UBAC2: variants seen among roughly 807,000 people sequenced by gnomAD.
The protein encoded by UBAC2 is UBA domain containing 2, also known as ubiquitin-associated domain-containing protein 2.
A neutral mutation model predicts 44.0 loss-of-function variants in UBAC2; 26 were observed. That is an observed-to-expected ratio of 0.59 (90% confidence interval 0.43 to 0.82). UBAC2 has a LOEUF of 0.82. Among genes scored for constraint, UBAC2 ranks in the 40% least tolerant of loss-of-function variants. UBAC2 has a pLI of 0.00. For synonymous variants in UBAC2, 155 were observed against 154.3 expected (o/e 1.00, Z -0.04); for missense variants, 329 against 419.4 (o/e 0.78, Z 1.88).
At chr13:99,297,700 C>CA (rs2044196993) in intron 4 of UBAC2, among the ~76,000 whole-genome samples, 1 of 151,090 alleles carries the variant, frequency 6.6e-6, no homozygotes, top group African/African-American at 2.4e-5. Context: ...GGGAAAAAAA[C>CA]AAAGAATGAG....
chr13:99,340,280 T>TTA, intron 6 of UBAC2, 40 bp from the exon 7 acceptor site: 1 of 1,591,336 alleles, frequency 6.3e-7, no homozygotes, highest in South Asian at 1.1e-5. Flanking sequence ...TTTAAAATAA[T>TTA]ACTACATTTA....
chr13:99,275,802 T>C (rs954456324), intron 4 of UBAC2, among the ~76,000 whole-genome samples: 3 of 152,182 alleles, frequency 2.0e-5, no homozygotes, highest in Non-Finnish European at 2.9e-5. Flanking sequence ...TAAAAGCTGA[T>C]TGGAGTCTCG....
intron 4 of UBAC2, among the ~76,000 whole-genome samples, chr13:99,298,216 C>T (rs1265340787): frequency 6.6e-6 from 1 of 152,106 alleles, no homozygotes; most frequent in Non-Finnish European, 1.5e-5. Context: ...AGAACTTGTA[C>T]TGAAGACACA....
At chr13:99,201,760 T>A in intron 1 of UBAC2, among the ~76,000 whole-genome samples, 1 of 152,140 alleles carries the variant, frequency 6.6e-6, no homozygotes, top group Non-Finnish European at 1.5e-5. Flanking sequence ...GACAGAAACA[T>A]CTGACATTTC....
chr13:99,206,916 T>G (rs1485525395), intron 1 of UBAC2, among the ~76,000 whole-genome samples: 1 of 152,266 alleles, frequency 6.6e-6, no homozygotes, highest in Non-Finnish European at 1.5e-5. Context: ...CTGACTTGTT[T>G]CTGTCCACAC....
chr13:99,332,802 T>G (rs545761504), intron 6 of UBAC2, among the ~76,000 whole-genome samples: 1 of 152,236 alleles, frequency 6.6e-6, no homozygotes, highest in African/African-American at 2.4e-5. Flanking sequence ...CTCTTTGGCT[T>G]ACCCAGGTCT....
rs2043914032 is a variant in UBAC2, at chr13:99,278,608, C to T, written c.389+33984C>T. Among the ~76,000 whole-genome samples the T allele has an allele frequency of 2.0e-5, 3 of 152,086 alleles. No homozygotes were observed. In the South Asian group the frequency reaches 6.2e-4, roughly 31 times the overall value. On this transcript the variant is annotated intron_variant, in intron 4 of 8. Transcript: ENST00000403766. ...TTAAAAGTGAAAAAAAGTGATATTT[C>T]TCAACCTAAAAATAGGACTACCTGG... is the stretch of plus-strand genomic sequence containing the variant.
intron 1 of UBAC2, among the ~76,000 whole-genome samples, chr13:99,233,938 T>G (rs532838453): frequency 6.6e-6 from 1 of 152,260 alleles, no homozygotes; most frequent in African/African-American, 2.4e-5. Context: ...AAGACTAGTC[T>G]TTTGATACTA....
chr13:99,349,649 A>G (rs1271405523), intron 7 of UBAC2, among the ~76,000 whole-genome samples: 1 of 152,226 alleles, frequency 6.6e-6, no homozygotes, highest in Admixed American at 6.5e-5. Context: ...GAGAGAAGGC[A>G]CCATACGTCA....
At chr13:99,325,398 C>T (rs942920981) in intron 6 of UBAC2, among the ~76,000 whole-genome samples, 3 of 152,122 alleles carry the variant, frequency 2.0e-5, no homozygotes, top group Admixed American at 6.6e-5. Context: ...CCACAGTGCC[C>T]GGCCTATGTC....
intron 8 of UBAC2, among the ~76,000 whole-genome samples, chr13:99,370,887 G>C (rs1027254380): frequency 1.3e-5 from 2 of 152,168 alleles, no homozygotes; most frequent in African/African-American, 4.8e-5. Flanking sequence ...CCATGGATAA[G>C]AAAAGCCCAA....
At chr13:99,310,325 G>A (rs770668422) in intron 4 of UBAC2, among the ~76,000 whole-genome samples, 1 of 152,094 alleles carries the variant, frequency 6.6e-6, no homozygotes, top group Non-Finnish European at 1.5e-5. Flanking sequence ...GACAGATACC[G>A]GTGTCTCAAG....
At chr13:99,361,161 A>G (rs2045260128) in intron 7 of UBAC2, among the ~76,000 whole-genome samples, 1 of 152,222 alleles carries the variant, frequency 6.6e-6, no homozygotes, top group African/African-American at 2.4e-5. Context: ...ACATGTATAT[A>G]TACACAAGAA....
intron 4 of UBAC2, among the ~76,000 whole-genome samples, chr13:99,311,395 G>A (rs114701598): frequency 7.2e-4 from 109 of 152,288 alleles, no homozygotes; most frequent in African/African-American, 2.5e-3. Flanking sequence ...TTCAGGGCCT[G>A]GGACGTCTTT....
At chr13:99,366,454 G>A (rs984193675) in intron 7 of UBAC2, among the ~76,000 whole-genome samples, 6 of 152,020 alleles carry the variant, frequency 3.9e-5, no homozygotes, top group East Asian at 1.9e-4. Flanking sequence ...TGGCTCCTTC[G>A]ATATCTCCAT....
At position 99,385,203 on chromosome 13, in the gene UBAC2, G is replaced by A; in HGVS notation, c.928-25G>A. 4 of 1,579,220 alleles carry A rather than the reference G, an allele frequency of 2.5e-6. No homozygotes were observed. In the East Asian group the frequency reaches 8.9e-5, roughly 35 times the overall value. On this transcript the variant is annotated intron_variant, in intron 8 of 8. Transcript: ENST00000403766. ...TAAGCGGCAATGTCAGCGCCCTCAG[G>A]TTTCTGCGTTTTCTCTGCCTGCAGG... is the stretch of plus-strand genomic sequence containing the variant.
chr13:99,347,710 G>A (rs1008828677), intron 7 of UBAC2, among the ~76,000 whole-genome samples: 2 of 151,176 alleles, frequency 1.3e-5, no homozygotes, highest in East Asian at 1.9e-4. Flanking sequence ...CAGGGGCAGG[G>A]TACAGTGGTC....
chr13:99,255,332 G>C, intron 4 of UBAC2: 1 of 1,614,130 alleles, frequency 6.2e-7, no homozygotes, highest in Non-Finnish European at 8.5e-7. Context: ...ACAGCTTTTA[G>C]ATAGATGATG....
chr13:99,219,752 A>T (rs1398287997), intron 1 of UBAC2, among the ~76,000 whole-genome samples: 2 of 152,200 alleles, frequency 1.3e-5, no homozygotes, highest in Non-Finnish European at 2.9e-5. Context: ...GACAAACACT[A>T]ATCTGCTTTC....
Sources: allele counts gnomAD v4.1 joint callset (sites outside exome capture counted in the v4.1 genomes callset), GRCh38; gene constraint gnomAD v4.1.1; transcripts MANE v1.5; gene names NCBI Gene and HGNC (gene_info 2026-07-23, HGNC 2026-07-21).